The following TMEM131 variants were observed in gnomAD, a reference collection of about 807,000 sequenced individuals.
TMEM131 encodes the protein transmembrane protein 131.
In TMEM131, 66 loss-of-function variants were observed where a neutral mutation model predicts 211.6. That is an observed-to-expected ratio of 0.31 (90% CI 0.26 to 0.38). The LOEUF is 0.38. TMEM131 is among the 10% of genes least tolerant of loss of function. The pLI, the probability that TMEM131 is intolerant of heterozygous loss-of-function variation, is 1.00. For synonymous variants in TMEM131, 844 were observed against 841.3 expected (o/e 1.00, Z -0.06); for missense variants, 2,036 against 2,299.3 (o/e 0.89, Z 2.34).
chr2:97,825,770 G>A (rs1024187702), intron 11 of TMEM131, among the ~76,000 whole-genome samples: 22 of 152,366 alleles, frequency 1.4e-4, no homozygotes, highest in African/African-American at 4.8e-4. Flanking sequence ...TGATGTAGTA[G>A]CAAAAGGCTG....
intron 40 of TMEM131, among the ~76,000 whole-genome samples, chr2:97,758,364 T>G (rs1306740392): frequency 6.6e-6 from 1 of 152,242 alleles, no homozygotes; most frequent in Non-Finnish European, 1.5e-5. Context: ...TTATTTTCCT[T>G]GGCAAGAATA....
At chr2:97,829,020 G>A (rs766790753) in intron 11 of TMEM131, among the ~76,000 whole-genome samples, 7 of 152,196 alleles carry the variant, frequency 4.6e-5, no homozygotes, top group Admixed American at 6.5e-5. Flanking sequence ...CCCCTGGATC[G>A]ACCCACTGGC....
chr2:97,773,805 T>C (rs900079357), intron 32 of TMEM131, among the ~76,000 whole-genome samples: 4 of 152,184 alleles, frequency 2.6e-5, no homozygotes, highest in African/African-American at 9.6e-5. Flanking sequence ...GGTTTCACCA[T>C]GTTGCCCAGG....
intron 1 of TMEM131, among the ~76,000 whole-genome samples, chr2:97,954,679 G>A (rs951726790): frequency 7.2e-5 from 11 of 151,804 alleles, no homozygotes; most frequent in Non-Finnish European, 1.3e-4. Flanking sequence ...GGTGGCGTGC[G>A]CCTGTAGTTC....
intron 25 of TMEM131, among the ~76,000 whole-genome samples, chr2:97,798,907 C>T (rs1386327797): frequency 6.6e-6 from 1 of 152,116 alleles, no homozygotes; most frequent in Non-Finnish European, 1.5e-5. Context: ...ATGTACTATA[C>T]ATATATTCCC....
intron 4 of TMEM131, among the ~76,000 whole-genome samples, chr2:97,859,888 T>C (rs1673996032): frequency 1.3e-5 from 2 of 152,324 alleles, no homozygotes; most frequent in Admixed American, 1.3e-4. Flanking sequence ...TAGATGAGAA[T>C]ACTGGGGCAC....
At chr2:97,785,377 AC>A (rs1372903923) in intron 31 of TMEM131, among the ~76,000 whole-genome samples, 1 of 152,248 alleles carries the variant, frequency 6.6e-6, no homozygotes, top group Non-Finnish European at 1.5e-5. Flanking sequence ...AAGGTATTTT[AC>A]CAAGGAAAAC....
chr2:97,920,795 C>T (rs929686998), intron 2 of TMEM131, among the ~76,000 whole-genome samples: 7 of 151,994 alleles, frequency 4.6e-5, no homozygotes, highest in African/African-American at 1.4e-4. Flanking sequence ...ATAAATCTAT[C>T]GAAAGATGTT....
At chr2:97,947,041 T>C (rs958163757) in intron 1 of TMEM131, among the ~76,000 whole-genome samples, 1 of 151,890 alleles carries the variant, frequency 6.6e-6, no homozygotes, top group Non-Finnish European at 1.5e-5. Context: ...CTTGGCAAAA[T>C]GGGCACAAAA....
chr2:97,772,666 C>A (rs1390169050), intron 32 of TMEM131, among the ~76,000 whole-genome samples: 1 of 152,200 alleles, frequency 6.6e-6, no homozygotes, highest in Non-Finnish European at 1.5e-5. Context: ...GAAGCCGAGG[C>A]AGGTGGATTG....
intron 5 of TMEM131, among the ~76,000 whole-genome samples, chr2:97,858,368 T>C (rs528017335): frequency 2.0e-5 from 3 of 152,218 alleles, no homozygotes; most frequent in Non-Finnish European, 4.4e-5. Context: ...TAAGATACCA[T>C]TTTTATTTAT....
chr2:97,978,185 C>G (rs1296119175), intron 1 of TMEM131, among the ~76,000 whole-genome samples: 2 of 152,166 alleles, frequency 1.3e-5, no homozygotes, highest in African/African-American at 4.8e-5. Context: ...TGCTGTTTGA[C>G]AGCATTTTAC....
At position 97,894,847 on chromosome 2, in the gene TMEM131, T is replaced by C. The variant is rs143330184; in HGVS notation, c.291-6727A>G. ...ACAACTTGACTTCCTCCTTTCCTATTTGAATACTCTTTATTTCTTTCTCTT... is the reference window on the plus strand; with the variant it reads ...ACAACTTGACTTCCTCCTTTCCTATCTGAATACTCTTTATTTCTTTCTCTT... On this transcript the variant is annotated intron_variant, in intron 3 of 40. Transcript: ENST00000186436. 1.4e-4 allele frequency among the ~76,000 whole-genome samples: 21 copies of C among 152,310 alleles called. No individual in the cohort carries two copies. In the East Asian group the frequency reaches 3.5e-3, roughly 25 times the overall value.
At chr2:97,882,743 T>C (rs1674988599) in intron 4 of TMEM131, among the ~76,000 whole-genome samples, 1 of 152,232 alleles carries the variant, frequency 6.6e-6, no homozygotes, top group African/African-American at 2.4e-5. Flanking sequence ...TACATTCATT[T>C]AAAATCTGAC....
intron 11 of TMEM131, among the ~76,000 whole-genome samples, chr2:97,823,954 G>A (rs1422321499): frequency 3.3e-5 from 5 of 152,018 alleles, no homozygotes; most frequent in Non-Finnish European, 5.9e-5. Context: ...TGGCAACCTC[G>A]GTGTTCTATA....
intron 33 of TMEM131, among the ~76,000 whole-genome samples, chr2:97,771,893 G>A (rs1406210918): frequency 6.6e-6 from 1 of 152,200 alleles, no homozygotes; most frequent in Non-Finnish European, 1.5e-5. Flanking sequence ...TGGAACTCTA[G>A]ATCCCAACTG....
intron 4 of TMEM131, among the ~76,000 whole-genome samples, chr2:97,869,399 G>A (rs113005277): frequency 6.6e-6 from 1 of 152,216 alleles, no homozygotes; most frequent in African/African-American, 2.4e-5. Flanking sequence ...CAATGCTTCT[G>A]AGGCTGGCCC....
chr2:97,873,295 G>A (rs1446075588), intron 4 of TMEM131, among the ~76,000 whole-genome samples: 1 of 152,248 alleles, frequency 6.6e-6, no homozygotes, highest in Non-Finnish European at 1.5e-5. Flanking sequence ...CAGAGCACCT[G>A]GGGAAAGGGG....
chr2:97,993,487 C>T (rs1374020882), intron 1 of TMEM131, among the ~76,000 whole-genome samples: 1 of 152,206 alleles, frequency 6.6e-6, no homozygotes, highest in Non-Finnish European at 1.5e-5. Context: ...GAAGCCATTT[C>T]TGGAGATACC....
Sources: allele counts gnomAD v4.1 joint callset (sites outside exome capture counted in the v4.1 genomes callset), GRCh38; gene constraint gnomAD v4.1.1; transcripts MANE v1.5; gene names NCBI Gene and HGNC (gene_info 2026-07-23, HGNC 2026-07-21).